Variants in WDR43 observed in about 807,000 individuals in gnomAD.
The protein encoded by WDR43 is WD repeat-containing protein 43.
In WDR43, 13 loss-of-function variants were observed where a neutral mutation model predicts 91.4. The ratio of observed to expected loss-of-function variants is 0.14; its 90% CI spans 0.09 to 0.23. The LOEUF is 0.23. WDR43 is among the 10% of genes least tolerant of loss of function. The probability of loss-of-function intolerance (pLI) is 1.00; values close to 1 mark genes in which losing one functional copy is unlikely to be tolerated. For synonymous variants in WDR43, 331 were observed against 287.9 expected (o/e 1.15, Z -1.51); for missense variants, 780 against 809.4 (o/e 0.96, Z 0.44).
At chr2:28,899,908 G>A (rs1670547979) in intron 1 of WDR43, among the ~76,000 whole-genome samples, 2 of 152,154 alleles carry the variant, frequency 1.3e-5, no homozygotes. Context: ...TATCCTTAAA[G>A]TTGGTCATAA....
At chr2:28,935,787 G>A in intron 12 of WDR43, 180 bp downstream of exon 12, 1 of 395,766 alleles carries the variant, frequency 2.5e-6, no homozygotes, top group Non-Finnish European at 4.5e-6. Flanking sequence ...AATTCCTGGG[G>A]CAATGAAAGG....
Position 28,946,943 on chromosome 2 carries a change from G to A in WDR43, c.*164G>A, listed in dbSNP as rs1671554131. 1.5e-6 allele frequency: 1 copy of A among 663,910 alleles called. No homozygotes were observed. 41.1% of individuals were successfully genotyped at this position (663,910 alleles called of 1,614,324 possible). ...TCCTGAGCACCCCAGACTTGACTGT[G>A]TAAATAAGAGTGTTTCATTCAAATG... On this transcript the variant is annotated 3_prime_UTR_variant, in exon 18 of 18. Transcript: ENST00000407426.
At chr2:28,905,613 A>G (rs1670663669) in intron 2 of WDR43, among the ~76,000 whole-genome samples, 2 of 151,118 alleles carry the variant, frequency 1.3e-5, no homozygotes, top group Non-Finnish European at 2.9e-5. Context: ...TTTAAACAGG[A>G]GAAGGAAAGT....
At chr2:28,944,824 G>A (rs1412098243) in intron 16 of WDR43, among the ~76,000 whole-genome samples, 4 of 152,272 alleles carry the variant, frequency 2.6e-5, no homozygotes, top group African/African-American at 9.6e-5. Context: ...AGTGTAGACA[G>A]CGAAGCTGGA....
chr2:28,931,407 C>T (rs573157614), intron 11 of WDR43, among the ~76,000 whole-genome samples: 1 of 152,236 alleles, frequency 6.6e-6, no homozygotes, highest in African/African-American at 2.4e-5. Flanking sequence ...AACAAGATTC[C>T]AACAGAGTCT....
At chr2:28,946,405 C>T in intron 16 of WDR43, 45 bp from the exon 17 acceptor site, 1 of 1,572,800 alleles carries the variant, frequency 6.4e-7, no homozygotes, top group Middle Eastern at 2.1e-4. Flanking sequence ...GCTGTACCCT[C>T]TGTTTTGTTC....
In WDR43 at chr2:28,927,631, T is replaced by G. The variant is rs375762052; in HGVS notation, c.1236T>G (p.His412Gln). The G allele has an allele frequency of 1.2e-6, 2 of 1,613,804 alleles. No homozygotes were observed. Among genetic ancestry groups the G allele is most frequent in the Admixed American group, 1.7e-5 (1 of 59,968 alleles). The part of the protein sequence containing the change: ...KVLVPGIPGH[H>Q]AAIKPAPPQT... ...TGGTGCCTGGGATTCCTGGTCATCA[T>G]GCAGCTATCAAGCCCGCTCCTCCAC... Residue 412 changes from histidine to glutamine, a missense_variant, in exon 10 of 18, where the codon CAT (histidine) becomes CAG (glutamine). This residue lies in a region of WDR43 where 426 missense variants were observed against 467.8 expected (regional missense o/e 0.91). Coordinates refer to ENST00000407426, the MANE Select transcript of WDR43 (RefSeq NM_015131.3).
chr2:28,937,088 T>C, intron 13 of WDR43, 135 bp downstream of exon 13: 3 of 822,336 alleles, frequency 3.6e-6, no homozygotes, highest in Non-Finnish European at 5.6e-6. Context: ...TTATTTTAAG[T>C]TGAATGATTC....
intron 1 of WDR43, among the ~76,000 whole-genome samples, chr2:28,900,771 A>C (rs1017172901): frequency 6.6e-6 from 1 of 152,224 alleles, no homozygotes; most frequent in Non-Finnish European, 1.5e-5. Flanking sequence ...GTTTATTAGT[A>C]CATTTCTAAG....
intron 7 of WDR43, among the ~76,000 whole-genome samples, chr2:28,924,189 G>C (rs1192354471): frequency 2.0e-5 from 3 of 152,208 alleles, no homozygotes; most frequent in African/African-American, 7.2e-5. Context: ...TGACAGATCA[G>C]AGTGTCAGGA....
At chr2:28,935,272 A>G (rs1671317495) in intron 11 of WDR43, among the ~76,000 whole-genome samples, 1 of 152,218 alleles carries the variant, frequency 6.6e-6, no homozygotes. Flanking sequence ...AACACAAAGA[A>G]GTAAAATTAC....
intron 8 of WDR43, among the ~76,000 whole-genome samples, chr2:28,925,739 C>T (rs1280624149): frequency 1.3e-5 from 2 of 152,104 alleles, no homozygotes; most frequent in African/African-American, 2.4e-5. Flanking sequence ...TGATCCTCAG[C>T]AAGACTATGA....
chr2:28,932,119 C>A (rs1671259701), intron 11 of WDR43, among the ~76,000 whole-genome samples: 1 of 152,186 alleles, frequency 6.6e-6, no homozygotes, highest in African/African-American at 2.4e-5. Flanking sequence ...CTCAAGTAAT[C>A]CTCCTGCCTC....
At chr2:28,922,799 T>TTTTTG in intron 6 of WDR43, 120 bp from the exon 7 acceptor site, 1 of 269,214 alleles carries the variant, frequency 3.7e-6, no homozygotes, top group Non-Finnish European at 6.7e-6. Flanking sequence ...CTTGCTGTGT[T>TTTTTG]TTTTTTTTTT....
chr2:28,924,206 A>C (rs1268813989), intron 7 of WDR43, among the ~76,000 whole-genome samples: 4 of 152,214 alleles, frequency 2.6e-5, no homozygotes, highest in Non-Finnish European at 5.9e-5. Context: ...AGGAGTGTCC[A>C]TCAACCTGGA....
At chr2:28,942,172 T>C (rs1310684256) in intron 15 of WDR43, 140 bp from the exon 16 acceptor site, 3 of 691,610 alleles carry the variant, frequency 4.3e-6, no homozygotes, top group Non-Finnish European at 7.4e-6. Context: ...TTTTTTGCTC[T>C]GTATTGTATG....
rs71403628 is a variant in WDR43 at position 28,910,678 on chromosome 2, A to AATATATATATATATATAT, written c.486-1895_486-1894insTATATATATATATATATA. 8.0e-3 allele frequency among the ~76,000 whole-genome samples: 1,135 copies of AATATATATATATATATAT among 142,578 alleles called. 29 individuals are homozygous for AATATATATATATATATAT. The highest frequency in any genetic ancestry group is 0.055 in the East Asian group (256 of 4,640). 93.5% of individuals were successfully genotyped at this position (142,578 alleles called of 152,430 possible). On this transcript the variant is annotated intron_variant, in intron 3 of 17. Transcript: ENST00000407426. ...CAGATAACGTGCGTGTGTGTGTGTA[A>AATATATATATATATATAT]ATATATATATATATATAATTATTAT...
At chr2:28,918,053 G>T in intron 6 of WDR43, 58 bp downstream of exon 6, 1 of 1,421,624 alleles carries the variant, frequency 7.0e-7, no homozygotes. Context: ...TATTTTTACA[G>T]TCAAGGTTTT....
Position 28,914,192 on chromosome 2 carries a change from C to T in WDR43, c.730C>T (p.Arg244Trp). 3.1e-6 allele frequency: 5 copies of T among 1,613,100 alleles called. No homozygotes were observed. The highest frequency in any genetic ancestry group is 2.2e-5 in the South Asian group (2 of 90,870). Residue 244 changes from arginine to tryptophan, a missense_variant, in exon 5 of 18, where the codon CGG becomes TGG. Around this residue, in one of 4 missense-constraint regions of WDR43, gnomAD observed 174 missense variants for 207.3 expected, o/e 0.84. Transcript: ENST00000407426. ...LYFLSGAVHD[R>W]LLNVWQVRSE... ...TTTCTTATCTGGAGCAGTACATGAC[C>T]GGTTACTTAATGTCTGGTATGTAGT... is the stretch of plus-strand genomic sequence containing the variant.
Sources: gnomAD v4.1 joint callset for allele counts (sites outside exome capture counted in the v4.1 genomes callset) on GRCh38, gnomAD v4.1.1 for gene constraint, gnomAD v4.1.1 regional missense constraint, MANE v1.5 for transcripts, NCBI Gene and HGNC (gene_info 2026-07-23, HGNC 2026-07-21) for gene names.